Variants in CUL5 observed in about 807,000 individuals in gnomAD.
The protein encoded by CUL5 is cullin-5.
Under a neutral mutation model 108.8 loss-of-function variants are expected in CUL5, and 26 were observed. That is an observed-to-expected ratio of 0.24 (90% CI 0.18 to 0.33). The LOEUF is 0.33. Ranked by LOEUF, CUL5 falls within the 10% of genes least tolerant of loss-of-function variation. The pLI, the probability that CUL5 is intolerant of heterozygous loss-of-function variation, is 1.00. For missense variants in CUL5, 524 were observed against 909.2 expected (o/e 0.58, Z 5.45); for synonymous variants, 334 against 298.0 (o/e 1.12, Z -1.25).
At chr11:108,077,196 A>G (rs951568779) in intron 10 of CUL5, among the ~76,000 whole-genome samples, 3 of 152,228 alleles carry the variant, frequency 2.0e-5, no homozygotes, top group African/African-American at 7.2e-5. Context: ...ATGAGAAGGG[A>G]GAAATGATCC....
chr11:108,085,833 G>A (rs1183327449), intron 11 of CUL5, among the ~76,000 whole-genome samples: 1 of 152,018 alleles, frequency 6.6e-6, no homozygotes, highest in Non-Finnish European at 1.5e-5. Context: ...GCAGGTGTGG[G>A]GTTTCTTTTT....
intron 1 of CUL5, among the ~76,000 whole-genome samples, chr11:108,021,017 T>G (rs544932687): frequency 7.9e-5 from 12 of 152,322 alleles, no homozygotes; most frequent in Non-Finnish European, 1.3e-4. Flanking sequence ...ATACACAAAT[T>G]CTTACCACTT....
chr11:108,083,332 C>T (rs879756012), intron 11 of CUL5, among the ~76,000 whole-genome samples: 10 of 152,080 alleles, frequency 6.6e-5, no homozygotes, highest in Middle Eastern at 3.2e-3. Flanking sequence ...AAGTAGTTTC[C>T]GATGTGTTGC....
At chr11:108,059,425 T>G (rs942888153) in intron 7 of CUL5, among the ~76,000 whole-genome samples, 2 of 152,120 alleles carry the variant, frequency 1.3e-5, no homozygotes, top group African/African-American at 4.8e-5. Flanking sequence ...CTTGATCACT[T>G]CAGAATGACC....
intron 8 of CUL5, among the ~76,000 whole-genome samples, chr11:108,071,043 G>A (rs1412383454): frequency 6.6e-6 from 1 of 152,076 alleles, no homozygotes; most frequent in East Asian, 1.9e-4. Context: ...TTTTTGTGAA[G>A]GTCAATAAAA....
At chr11:108,075,497 C>A (rs1355411411) in intron 10 of CUL5, among the ~76,000 whole-genome samples, 3 of 152,108 alleles carry the variant, frequency 2.0e-5, no homozygotes, top group African/African-American at 7.2e-5. Flanking sequence ...TTTGTTACAC[C>A]AGGTATGTGG....
chr11:108,066,227 C>T (rs1863673283), intron 7 of CUL5, among the ~76,000 whole-genome samples: 1 of 151,996 alleles, frequency 6.6e-6, no homozygotes. Flanking sequence ...GCCTGCTGTC[C>T]CAGTACTCAG....
intron 11 of CUL5, among the ~76,000 whole-genome samples, chr11:108,088,047 GT>G (rs923398395): frequency 9.0e-4 from 133 of 147,690 alleles, no homozygotes; most frequent in African/African-American, 2.6e-3. Context: ...TTCATTTATA[GT>G]TTTTTTTTTA....
intron 1 of CUL5, among the ~76,000 whole-genome samples, chr11:108,010,389 C>T (rs1409446285): frequency 3.3e-5 from 5 of 152,208 alleles, no homozygotes; most frequent in Non-Finnish European, 7.3e-5. Flanking sequence ...ATCATGTCTT[C>T]TTTAGACCAC....
intron 13 of CUL5, among the ~76,000 whole-genome samples, chr11:108,091,732 C>CACACACACACA (rs1555024090): frequency 4.0e-5 from 6 of 149,772 alleles, no homozygotes; most frequent in Non-Finnish European, 5.9e-5. Flanking sequence ...CACACACACA[C>CACACACACACA]GACAAATAAT....
At chr11:108,058,719 C>G (rs905845535) in intron 7 of CUL5, among the ~76,000 whole-genome samples, 7 of 151,964 alleles carry the variant, frequency 4.6e-5, no homozygotes, top group South Asian at 2.1e-4. Context: ...TTGTGAAGAT[C>G]TGAGACAGTT....
chr11:108,041,245 A>T (rs1431380914), intron 2 of CUL5, among the ~76,000 whole-genome samples: 1 of 150,806 alleles, frequency 6.6e-6, no homozygotes, highest in Non-Finnish European at 1.5e-5. Flanking sequence ...TAAATCTCTT[A>T]TATTAATAAT....
chr11:108,043,692 ATAG>A (rs1218535106), intron 2 of CUL5, among the ~76,000 whole-genome samples: 3 of 152,212 alleles, frequency 2.0e-5, no homozygotes, highest in Non-Finnish European at 2.9e-5. Flanking sequence ...TAAGGATAAA[ATAG>A]TAGTACTTTA....
At position 108,046,167 on chromosome 11, in the gene CUL5, G is replaced by T. The variant is rs182586556; in HGVS notation, c.135-103G>T. ...AGTGAATTCAGACACCATTTACTTG[G>T]TTCTAATATGGCCCATGGAAACTGT... is the stretch of plus-strand genomic sequence containing the variant. On this transcript the variant is annotated intron_variant, in intron 2 of 18. Coordinates refer to ENST00000393094, the MANE Select transcript of CUL5 (RefSeq NM_003478.6). The T allele has an allele frequency of 8.3e-6, 6 of 720,444 alleles. No individual in the cohort carries two copies. In the East Asian group the frequency reaches 1.7e-4, roughly 20 times the overall value. 44.6% of individuals were successfully genotyped at this position (720,444 alleles called of 1,614,324 possible).
intron 7 of CUL5, among the ~76,000 whole-genome samples, chr11:108,055,314 C>CT (rs1316715882): frequency 6.1e-4 from 93 of 152,098 alleles, no homozygotes; most frequent in Non-Finnish European, 1.2e-3. Context: ...AGTTGACTCT[C>CT]TTTTTTTGTA....
chr11:108,052,388 C>A (rs1863249671), intron 4 of CUL5, among the ~76,000 whole-genome samples: 1 of 152,054 alleles, frequency 6.6e-6, no homozygotes, highest in African/African-American at 2.4e-5. Flanking sequence ...GGTCTCGGCT[C>A]ACTGGGACTA....
intron 8 of CUL5, among the ~76,000 whole-genome samples, chr11:108,071,778 T>C (rs2135183793): frequency 6.6e-6 from 1 of 152,228 alleles, no homozygotes; most frequent in Middle Eastern, 3.4e-3. Context: ...TCTTTTTAAC[T>C]CCTGGGCTCA....
At chr11:108,099,191 G>A (rs1394643120) in intron 18 of CUL5, among the ~76,000 whole-genome samples, 1 of 152,078 alleles carries the variant, frequency 6.6e-6, no homozygotes, top group Non-Finnish European at 1.5e-5. Flanking sequence ...TTTTAGTGGA[G>A]ACAGGGTTTT....
chr11:108,104,409 A>G lies in CUL5; in HGVS notation c.*25A>G, dbSNP rs773093825. On this transcript the variant is annotated 3_prime_UTR_variant, in exon 19 of 19. Transcript: ENST00000393094. ...ATTTTGAATATCATGGACAATATTTAGAACCCAAATTTTGGAGTGCTTGGG... is the reference window on the plus strand; with the variant it reads ...ATTTTGAATATCATGGACAATATTTGGAACCCAAATTTTGGAGTGCTTGGG... The G allele has an allele frequency of 6.9e-7, 1 of 1,439,016 alleles. No individual in the cohort carries two copies. Among genetic ancestry groups the G allele is most frequent in the East Asian group, 2.6e-5 (1 of 38,068 alleles). 89.1% of individuals were successfully genotyped at this position (1,439,016 alleles called of 1,614,324 possible).
Sources: allele counts gnomAD v4.1 joint callset (sites outside exome capture counted in the v4.1 genomes callset), GRCh38; gene constraint gnomAD v4.1.1; transcripts MANE v1.5; gene names NCBI Gene and HGNC (gene_info 2026-07-23, HGNC 2026-07-21).